Variants in GPC5 observed in about 807,000 individuals in gnomAD.
GPC5 encodes the protein glypican 5.
In GPC5, 47 loss-of-function variants were observed where a neutral mutation model predicts 53.9. That is an observed-to-expected ratio of 0.87 (90% CI 0.69 to 1.11). GPC5 has a LOEUF of 1.11. Among genes scored for constraint, GPC5 ranks in the 50% most tolerant of loss-of-function variants. The pLI, the probability that GPC5 is intolerant of heterozygous loss-of-function variation, is 0.00. For synonymous variants in GPC5, 286 were observed against 263.3 expected (o/e 1.09, Z -0.84); for missense variants, 748 against 713.1 (o/e 1.05, Z -0.56).
intron 7 of GPC5, among the ~76,000 whole-genome samples, chr13:92,730,703 G>A (rs1888777760): frequency 6.6e-6 from 1 of 151,198 alleles, no homozygotes; most frequent in African/African-American, 2.4e-5. Context: ...GGAGAGAGAA[G>A]GTGAAGGTCC....
chr13:92,202,717 C>T (rs1324653701), intron 7 of GPC5, among the ~76,000 whole-genome samples: 1 of 152,114 alleles, frequency 6.6e-6, no homozygotes, highest in African/African-American at 2.4e-5. Context: ...TTCTTAGGGT[C>T]TGAGAACCTG....
At chr13:92,542,331 TC>T (rs1881958407) in intron 7 of GPC5, among the ~76,000 whole-genome samples, 1 of 151,958 alleles carries the variant, frequency 6.6e-6, no homozygotes, top group Non-Finnish European at 1.5e-5. Flanking sequence ...CCATATTTAT[TC>T]CCCTGAATCC....
chr13:92,027,490 T>A (rs1011865095), intron 6 of GPC5, among the ~76,000 whole-genome samples: 3 of 152,176 alleles, frequency 2.0e-5, no homozygotes, highest in African/African-American at 7.2e-5. Flanking sequence ...CTATTGACCT[T>A]AAGTGAGGAC....
chr13:91,431,063 T>G (rs1478759063), intron 1 of GPC5, among the ~76,000 whole-genome samples: 1 of 152,122 alleles, frequency 6.6e-6, no homozygotes, highest in Non-Finnish European at 1.5e-5. Flanking sequence ...TTTGTAGAGA[T>G]GGGATTTTGT....
chr13:92,268,039 C>T (rs887761989), intron 7 of GPC5, among the ~76,000 whole-genome samples: 1 of 151,890 alleles, frequency 6.6e-6, no homozygotes, highest in African/African-American at 2.4e-5. Context: ...CATATGCTTT[C>T]AGAAACTGTA....
intron 7 of GPC5, among the ~76,000 whole-genome samples, chr13:92,411,107 AC>A (rs1236721746): frequency 2.6e-5 from 4 of 152,234 alleles, no homozygotes; most frequent in Middle Eastern, 3.4e-3. Flanking sequence ...GACCAAAAAA[AC>A]AAAACAAAAA....
intron 7 of GPC5, among the ~76,000 whole-genome samples, chr13:92,322,274 GA>G (rs538544943): frequency 7.8e-4 from 102 of 130,072 alleles, no homozygotes; most frequent in South Asian, 1.1e-3. Flanking sequence ...GTGAATGGGG[GA>G]AAAAAAAAAG....
intron 7 of GPC5, among the ~76,000 whole-genome samples, chr13:92,349,001 C>T (rs762835239): frequency 1.8e-4 from 28 of 152,072 alleles, no homozygotes; most frequent in Admixed American, 3.9e-4. Context: ...TCTTACTCAT[C>T]AAGCAGCCAG....
intron 7 of GPC5, among the ~76,000 whole-genome samples, chr13:92,412,338 C>G (rs113424193): frequency 0.018 from 2,727 of 152,170 alleles, 81 homozygotes; most frequent in African/African-American, 0.06. Context: ...AAACAGACAA[C>G]CCTATGCCTG....
intron 6 of GPC5, among the ~76,000 whole-genome samples, chr13:92,073,654 A>G (rs2041230734): frequency 6.6e-6 from 1 of 152,188 alleles, no homozygotes; most frequent in Non-Finnish European, 1.5e-5. Flanking sequence ...ATGGTATACC[A>G]TGTATACCAA....
intron 7 of GPC5, among the ~76,000 whole-genome samples, chr13:92,472,190 T>C (rs2139423085): frequency 6.6e-6 from 1 of 152,262 alleles, no homozygotes; most frequent in Middle Eastern, 3.4e-3. Flanking sequence ...TCCTTCTGTA[T>C]TTATTTTAGA....
chr13:92,236,239 CTTAG>C (rs1396318304), intron 7 of GPC5, among the ~76,000 whole-genome samples: 2 of 151,912 alleles, frequency 1.3e-5, no homozygotes, highest in East Asian at 1.9e-4. Context: ...GGTAATATTA[CTTAG>C]TTTGTTATTT....
chr13:91,557,831 CT>C (rs1381677815), intron 2 of GPC5, among the ~76,000 whole-genome samples: 1 of 152,026 alleles, frequency 6.6e-6, no homozygotes, highest in Non-Finnish European at 1.5e-5. Context: ...AAATAAATAC[CT>C]TTTACATTAG....
chr13:92,718,384 T>C (rs986050800), intron 7 of GPC5, among the ~76,000 whole-genome samples: 5 of 152,058 alleles, frequency 3.3e-5, no homozygotes, highest in Admixed American at 3.3e-4. Flanking sequence ...AAGAATGAGA[T>C]CCTGTCATTT....
At chr13:91,695,443 A>G (rs2035859881) in intron 3 of GPC5, among the ~76,000 whole-genome samples, 1 of 152,016 alleles carries the variant, frequency 6.6e-6, no homozygotes, top group Admixed American at 6.6e-5. Context: ...GCATGATCTC[A>G]GCTCACTGCA....
In GPC5 at chr13:92,584,626, A is replaced by T. The variant is rs542687468; in HGVS notation, c.1562-281656A>T. ...ATTGAAGCTAGCTGCAGAAATTTGC[A>T]TAAGTAACTAGGAGGCGAATGTTAA... On this transcript the variant is annotated intron_variant, in intron 7 of 7. Transcript: ENST00000377067. 2.4e-4 allele frequency among the ~76,000 whole-genome samples: 36 copies of T among 152,320 alleles called. No individual in the cohort carries two copies. The South Asian group carries it at 5.2e-3, about 22-fold the overall frequency.
intron 7 of GPC5, among the ~76,000 whole-genome samples, chr13:92,754,746 A>T (rs1874779998): frequency 6.6e-6 from 1 of 151,672 alleles, no homozygotes; most frequent in Non-Finnish European, 1.5e-5. Flanking sequence ...CCATTACATA[A>T]TGGTAAAGGA....
intron 7 of GPC5, among the ~76,000 whole-genome samples, chr13:92,503,827 A>T (rs763961163): frequency 6.6e-6 from 1 of 151,932 alleles, no homozygotes; most frequent in Non-Finnish European, 1.5e-5. Flanking sequence ...GATAACTTAG[A>T]TAACCATCAT....
chr13:91,980,588 A>G (rs2040347988), intron 6 of GPC5, among the ~76,000 whole-genome samples: 1 of 151,846 alleles, frequency 6.6e-6, no homozygotes, highest in Non-Finnish European at 1.5e-5. Context: ...ATCACAAAAT[A>G]CCTATCCCTC....
Sources: gnomAD v4.1 joint callset for allele counts (sites outside exome capture counted in the v4.1 genomes callset) on GRCh38, gnomAD v4.1.1 for gene constraint, MANE v1.5 for transcripts, NCBI Gene and HGNC (gene_info 2026-07-23, HGNC 2026-07-21) for gene names.